The following VWC2 variants were observed in gnomAD, a reference collection of about 807,000 sequenced individuals.
VWC2 encodes the protein von Willebrand factor C domain containing 2, also known as brorin.
A neutral mutation model predicts 29.8 loss-of-function variants in VWC2; 14 were observed. That is an observed-to-expected ratio of 0.47 (90% CI 0.31 to 0.74). The LOEUF (loss-of-function observed/expected upper bound fraction) is 0.74. Among genes scored for constraint, VWC2 ranks in the 30% least tolerant of loss-of-function variants. The probability of loss-of-function intolerance (pLI) is 0.05; values close to 1 mark genes in which losing one functional copy is unlikely to be tolerated. For missense variants in VWC2, 457 were observed against 459.8 expected, an observed-to-expected ratio of 0.99 and a Z score of 0.05; for synonymous variants, 213 against 199.0, an observed-to-expected ratio of 1.07 and a Z score of -0.59.
At chr7:49,815,032 G>T (rs1370333953) in intron 3 of VWC2, among the ~76,000 whole-genome samples, 1 of 152,072 alleles carries the variant, frequency 6.6e-6, no homozygotes, top group Non-Finnish European at 1.5e-5. Flanking sequence ...TGGACCCTTT[G>T]TTTTTCAGAT....
intron 3 of VWC2, among the ~76,000 whole-genome samples, chr7:49,907,623 T>C (rs1023059716): frequency 3.9e-5 from 6 of 152,122 alleles, no homozygotes; most frequent in South Asian, 2.1e-4. Context: ...CCCAAGGTGA[T>C]TGGGACACAG....
At chr7:49,791,107 C>T (rs1788455114) in intron 2 of VWC2, among the ~76,000 whole-genome samples, 1 of 152,196 alleles carries the variant, frequency 6.6e-6, no homozygotes, top group African/African-American at 2.4e-5. Flanking sequence ...AAAGGAATCA[C>T]TTCAGCATTT....
At chr7:49,774,893 C>T (rs1366642259) in intron 1 of VWC2, among the ~76,000 whole-genome samples, 1 of 152,252 alleles carries the variant, frequency 6.6e-6, no homozygotes, top group Non-Finnish European at 1.5e-5. Flanking sequence ...TCCCTCTTAT[C>T]TTCCTGTACA....
At chr7:49,810,358 A>C (rs1351485115) in intron 3 of VWC2, among the ~76,000 whole-genome samples, 1 of 152,126 alleles carries the variant, frequency 6.6e-6, no homozygotes, top group African/African-American at 2.4e-5. Flanking sequence ...TTGTATACTA[A>C]AAGCTGCAAA....
chr7:49,841,133 CTGTT>C (rs1307407271), intron 3 of VWC2, among the ~76,000 whole-genome samples: 2 of 152,146 alleles, frequency 1.3e-5, no homozygotes, highest in Non-Finnish European at 2.9e-5. Context: ...GCGAAGCTGT[CTGTT>C]CTGGCCCAGG....
intron 3 of VWC2, among the ~76,000 whole-genome samples, chr7:49,872,933 A>G (rs192447078): frequency 0.028 from 4,071 of 147,922 alleles, 214 homozygotes; most frequent in African/African-American, 0.096. Context: ...AAAAAAAAAA[A>G]AAAAGAAAGA....
At chr7:49,839,846 C>T (rs1472868060) in intron 3 of VWC2, among the ~76,000 whole-genome samples, 1 of 152,218 alleles carries the variant, frequency 6.6e-6, no homozygotes, top group Non-Finnish European at 1.5e-5. Context: ...TCCCATGTCT[C>T]TAGAGCCTAA....
At chr7:49,819,863 G>T (rs886437741) in intron 3 of VWC2, among the ~76,000 whole-genome samples, 1 of 152,132 alleles carries the variant, frequency 6.6e-6, no homozygotes, top group South Asian at 2.1e-4. Flanking sequence ...TGGTAGAGGG[G>T]GACAAGTAGG....
chr7:49,905,293 G>A (rs1171639517), intron 3 of VWC2, among the ~76,000 whole-genome samples: 3 of 152,192 alleles, frequency 2.0e-5, no homozygotes, highest in African/African-American at 7.2e-5. Flanking sequence ...GCTATGGAAA[G>A]TGACCATTCA....
intron 3 of VWC2, among the ~76,000 whole-genome samples, chr7:49,825,902 T>A (rs111326011): frequency 6.6e-6 from 1 of 152,218 alleles, no homozygotes; most frequent in Non-Finnish European, 1.5e-5. Flanking sequence ...AGGCAGTTTG[T>A]ACTGATTTGG....
chr7:49,882,110 A>AAATCTATG (rs1162825392), intron 3 of VWC2, among the ~76,000 whole-genome samples: 2 of 152,154 alleles, frequency 1.3e-5, no homozygotes, highest in Non-Finnish European at 1.5e-5. Context: ...ATAAACATAG[A>AAATCTATG]TTTATATGTG....
intron 2 of VWC2, among the ~76,000 whole-genome samples, chr7:49,789,989 C>T (rs566432189): frequency 2.0e-5 from 3 of 152,306 alleles, no homozygotes; most frequent in South Asian, 4.1e-4. Flanking sequence ...TCCTTTCTGA[C>T]TGTGTATCTG....
Position 49,789,620 on chromosome 7 carries a change from TC to T in VWC2, c.697-13090del, listed in dbSNP as rs562614389. Among the ~76,000 whole-genome samples the T allele has an allele frequency of 3.0e-5, 4 of 131,548 alleles. No individual in the cohort carries two copies. The East Asian group carries it at 1.5e-3, about 48-fold the overall frequency. 86.3% of individuals were successfully genotyped at this position (131,548 alleles called of 152,430 possible). The stretch of plus-strand genomic sequence containing the variant: ...TATATATGAAGTAAAAATTAAGCTC[TC>T]TTTTTTCTCCCAAGGATTACTTAGC... On this transcript the variant is annotated intron_variant, in intron 2 of 3. Coordinates refer to ENST00000340652, the MANE Select transcript of VWC2 (RefSeq NM_198570.5).
intron 3 of VWC2, among the ~76,000 whole-genome samples, chr7:49,852,329 T>C (rs897402555): frequency 6.6e-6 from 1 of 152,148 alleles, no homozygotes; most frequent in African/African-American, 2.4e-5. Flanking sequence ...GCAGATGACA[T>C]TGCAGGCTCT....
Position 49,913,589 on chromosome 7 carries a change from T to A in VWC2, c.*1404T>A, listed in dbSNP as rs376123153. On this transcript the variant is annotated 3_prime_UTR_variant, in exon 4 of 4. Coordinates refer to ENST00000340652, the MANE Select transcript of VWC2 (RefSeq NM_198570.5). ...CTGAAATTTTGCATTAAGAACCTATTAAGTACAAAGCATTGACAACAAGGG... is the reference window on the plus strand; with the variant it reads ...CTGAAATTTTGCATTAAGAACCTATAAAGTACAAAGCATTGACAACAAGGG... 5 of 152,162 alleles carry A rather than the reference T, an allele frequency of 3.3e-5. No individual in the cohort carries two copies. The highest frequency in any genetic ancestry group is 1.2e-4 in the African/African-American group (5 of 41,452). 9.4% of individuals were successfully genotyped at this position (152,162 alleles called of 1,614,324 possible).
intron 3 of VWC2, among the ~76,000 whole-genome samples, chr7:49,867,741 C>G (rs1443193218): frequency 6.6e-6 from 1 of 152,234 alleles, no homozygotes; most frequent in Non-Finnish European, 1.5e-5. Context: ...TACAAAAGTA[C>G]AAACAGCAGA....
intron 2 of VWC2, among the ~76,000 whole-genome samples, chr7:49,798,207 TG>T (rs1362171512): frequency 2.0e-5 from 3 of 152,154 alleles, no homozygotes; most frequent in Non-Finnish European, 4.4e-5. Context: ...ATCAGCTTGG[TG>T]GGTGCTTACA....
chr7:49,817,235 G>A (rs752618333), intron 3 of VWC2, among the ~76,000 whole-genome samples: 5 of 152,124 alleles, frequency 3.3e-5, no homozygotes, highest in Admixed American at 6.5e-5. Flanking sequence ...TTAATACAGT[G>A]CTCTAAAATA....
chr7:49,876,699 C>T (rs1006765385), intron 3 of VWC2, among the ~76,000 whole-genome samples: 11 of 152,058 alleles, frequency 7.2e-5, no homozygotes, highest in African/African-American at 2.2e-4. Context: ...CCCCTTCCTC[C>T]TCCTTTTTCC....
Sources: gnomAD v4.1 joint callset for allele counts (sites outside exome capture counted in the v4.1 genomes callset) on GRCh38, gnomAD v4.1.1 for gene constraint, MANE v1.5 for transcripts, NCBI Gene and HGNC (gene_info 2026-07-23, HGNC 2026-07-21) for gene names.